Variants in PCBP3 observed in about 807,000 individuals in gnomAD.
The protein encoded by PCBP3 is poly(rC)-binding protein 3.
In PCBP3, 25 loss-of-function variants were observed where a neutral mutation model predicts 52.7. The observed-to-expected ratio is 0.47, with a 90% CI of 0.35 to 0.66. The LOEUF is 0.66. Among genes scored for constraint, PCBP3 ranks in the 30% least tolerant of loss-of-function variants. The probability of loss-of-function intolerance (pLI) is 0.01; values close to 1 mark genes in which losing one functional copy is unlikely to be tolerated. For missense variants in PCBP3, 391 were observed against 490.3 expected, an observed-to-expected ratio of 0.80 and a Z score of 1.91; for synonymous variants, 162 against 183.0, an observed-to-expected ratio of 0.89 and a Z score of 0.93.
intron 4 of PCBP3, among the ~76,000 whole-genome samples, chr21:45,764,124 T>C (rs555465461): frequency 6.6e-5 from 10 of 151,670 alleles, no homozygotes; most frequent in African/African-American, 2.4e-4. Flanking sequence ...TTTTTCTTTT[T>C]TTTTTTTTTG....
At chr21:45,878,969 G>A (rs1569419821) in intron 5 of PCBP3, among the ~76,000 whole-genome samples, 1 of 152,130 alleles carries the variant, frequency 6.6e-6, no homozygotes, top group East Asian at 1.9e-4. Context: ...TCTACGCAGG[G>A]AAAGCGAAGG....
intron 1 of PCBP3, among the ~76,000 whole-genome samples, chr21:45,647,097 G>A (rs1035404982): frequency 1.3e-5 from 2 of 152,160 alleles, no homozygotes; most frequent in African/African-American, 4.8e-5. Flanking sequence ...GTCACTTGTG[G>A]TACAGAGATG....
At chr21:45,835,174 A>G (rs747600026) in intron 4 of PCBP3, among the ~76,000 whole-genome samples, 2 of 152,198 alleles carry the variant, frequency 1.3e-5, no homozygotes, top group African/African-American at 2.4e-5. Context: ...GAGGGGAGCC[A>G]AGACAGAGAA....
intron 4 of PCBP3, among the ~76,000 whole-genome samples, chr21:45,813,607 A>T (rs1023038917): frequency 6.6e-6 from 1 of 152,032 alleles, no homozygotes; most frequent in African/African-American, 2.4e-5. Flanking sequence ...ACGCCCGGCT[A>T]TTTTTTGTAT....
At chr21:45,933,961 TG>T (rs1603549296) in intron 15 of PCBP3, among the ~76,000 whole-genome samples, 6 of 151,636 alleles carry the variant, frequency 4.0e-5, no homozygotes, top group Middle Eastern at 3.2e-3. Flanking sequence ...AACATGGAGT[TG>T]GGGGGCACAG....
At chr21:45,683,803 G>A (rs1426607442) in intron 2 of PCBP3, among the ~76,000 whole-genome samples, 1 of 152,008 alleles carries the variant, frequency 6.6e-6, no homozygotes. Context: ...GCAGGCGCCT[G>A]TAGTTCCAGC....
chr21:45,940,738 C>T (rs1448497056), intron 17 of PCBP3, among the ~76,000 whole-genome samples: 1 of 130,282 alleles, frequency 7.7e-6, no homozygotes. Context: ...GCCAAGCACA[C>T]CATACCACCA....
intron 5 of PCBP3, among the ~76,000 whole-genome samples, chr21:45,868,779 C>T (rs1418401006): frequency 6.6e-6 from 1 of 152,212 alleles, no homozygotes; most frequent in Non-Finnish European, 1.5e-5. Context: ...GACGGGGTGG[C>T]CGAGACAGGG....
In PCBP3 at chr21:45,724,695, T is replaced by C. The variant is rs2084901528; in HGVS notation, c.-199-10697T>C. Among the ~76,000 whole-genome samples, 1 of 151,816 alleles carries C rather than the reference T, an allele frequency of 6.6e-6. No individual in the cohort carries two copies. Among genetic ancestry groups the C allele is most frequent in the Non-Finnish European group, 1.5e-5 (1 of 67,942 alleles). ...GCAAGGGTGGGGTGCCTCGGTGGGATCTGAAAGAGAACCCGCCCCCCTCAG... is the reference window on the plus strand; with the variant it reads ...GCAAGGGTGGGGTGCCTCGGTGGGACCTGAAAGAGAACCCGCCCCCCTCAG... On this transcript the variant is annotated intron_variant, in intron 2 of 17. Transcript: ENST00000681687. The surrounding 1 kb of genome is among the most constrained non-coding windows in gnomAD (Gnocchi z 5.3).
chr21:45,939,892 C>T (rs1439572582), intron 16 of PCBP3, 138 bp from the exon 17 acceptor site: 1 of 728,806 alleles, frequency 1.4e-6, no homozygotes, highest in Non-Finnish European at 2.3e-6. Context: ...GGGGCCTCTC[C>T]GGGGTGTTGA....
intron 2 of PCBP3, among the ~76,000 whole-genome samples, chr21:45,719,684 A>G (rs1408205533): frequency 6.6e-6 from 1 of 152,062 alleles, no homozygotes; most frequent in Admixed American, 6.6e-5. Flanking sequence ...TTCTGCCGTG[A>G]TTGTAAGTTT....
intron 2 of PCBP3, among the ~76,000 whole-genome samples, chr21:45,670,915 A>G (rs575444069): frequency 4.9e-4 from 75 of 152,308 alleles, no homozygotes; most frequent in Admixed American, 1.0e-3. Flanking sequence ...TGGTCATGCC[A>G]TCTGCTACGG....
chr21:45,928,619 G>A lies in PCBP3; in HGVS notation c.718-1298G>A. ...CAGGGGTGGCCAGGGCAAGCATGGG[G>A]GTCTGGTCAGGTGCTCAGCAGCCGG... is the stretch of plus-strand genomic sequence containing the variant. On this transcript the variant is annotated intron_variant, in intron 13 of 17. Transcript: ENST00000681687. This position sits in a 1 kb window ranked among gnomAD's most constrained non-coding sequence, Gnocchi z 4.1. 6.6e-6 allele frequency among the ~76,000 whole-genome samples: 1 copy of A among 152,118 alleles called. No homozygotes were observed. The highest frequency in any genetic ancestry group is 1.9e-4 in the East Asian group (1 of 5,186).
chr21:45,870,636 G>C (rs1319043186), intron 5 of PCBP3, among the ~76,000 whole-genome samples: 3 of 152,208 alleles, frequency 2.0e-5, no homozygotes, highest in African/African-American at 7.2e-5. Context: ...CTGCACCCCG[G>C]GCTCTTCCTG....
chr21:45,845,108 G>C (rs192773038), intron 4 of PCBP3, among the ~76,000 whole-genome samples: 1 of 152,122 alleles, frequency 6.6e-6, no homozygotes, highest in Non-Finnish European at 1.5e-5. Flanking sequence ...GTCCACCTCC[G>C]GAGGGGTCAC....
At chr21:45,721,391 C>T (rs140878823) in intron 2 of PCBP3, among the ~76,000 whole-genome samples, 2,018 of 126,784 alleles carry the variant, frequency 0.016, 51 homozygotes, top group African/African-American at 0.056. Flanking sequence ...CCAGCCTAGG[C>T]GACGGAGTAA....
chr21:45,882,764 C>T (rs1380920805), intron 5 of PCBP3, among the ~76,000 whole-genome samples: 1 of 152,148 alleles, frequency 6.6e-6, no homozygotes, highest in Non-Finnish European at 1.5e-5. Context: ...TTCCCCAACA[C>T]CGTTTATTGA....
rs190137378 is a variant in PCBP3 at position 45,660,867 on chromosome 21, C to T, written c.-278-8007C>T. Among the ~76,000 whole-genome samples the T allele has an allele frequency of 9.2e-5, 14 of 152,156 alleles. No individual in the cohort carries two copies. The East Asian group carries it at 1.2e-3, about 13-fold the overall frequency. On this transcript the variant is annotated intron_variant, in intron 1 of 17. Coordinates refer to ENST00000681687, the MANE Select transcript of PCBP3 (RefSeq NM_001384156.1). ...CAGCCTGGCCAACATGGTGAAACCCCGTCTTTACTAAAAAATAACAAAAAT... is the reference window on the plus strand; with the variant it reads ...CAGCCTGGCCAACATGGTGAAACCCTGTCTTTACTAAAAAATAACAAAAAT...
chr21:45,893,613 G>GCA (rs2095743574), intron 5 of PCBP3, among the ~76,000 whole-genome samples: 1 of 151,556 alleles, frequency 6.6e-6, no homozygotes, highest in African/African-American at 2.4e-5. Context: ...CAGACGGGGG[G>GCA]TGGGGATGAG....
Sources: allele counts gnomAD v4.1 joint callset (sites outside exome capture counted in the v4.1 genomes callset), GRCh38; gene constraint gnomAD v4.1.1; non-coding constraint Gnocchi (gnomAD v3.1); transcripts MANE v1.5; gene names NCBI Gene and HGNC (gene_info 2026-07-23, HGNC 2026-07-21).